The following EFR3A variants were observed in gnomAD, a reference collection of about 807,000 sequenced individuals.
EFR3A encodes the protein protein EFR3 homolog A.
In EFR3A, 76 loss-of-function variants were observed where a neutral mutation model predicts 104.4. The ratio of observed to expected loss-of-function variants is 0.73; its 90% CI spans 0.60 to 0.88. The LOEUF (loss-of-function observed/expected upper bound fraction) is 0.88. Among genes scored for constraint, EFR3A ranks in the 40% least tolerant of loss-of-function variants. EFR3A has a pLI of 0.00. For synonymous variants in EFR3A, 330 were observed against 330.0 expected, an observed-to-expected ratio of 1.00 and a Z score of 0.00; for missense variants, 985 against 1,012.5, an observed-to-expected ratio of 0.97 and a Z score of 0.37.
chr8:131,968,515 C>G lies in EFR3A; in HGVS notation c.991+85C>G, dbSNP rs1461969247. On this transcript the variant is annotated intron_variant, in intron 9 of 22. Transcript: ENST00000254624. The stretch of plus-strand genomic sequence containing the variant: ...TATGCATAGCAGTGTATGAAGAACT[C>G]TTTAAGAATATTTCTACACATTTTT... 3.1e-6 allele frequency: 4 copies of G among 1,284,060 alleles called. No individual in the cohort carries two copies. The African/African-American group carries it at 6.1e-5, about 20-fold the overall frequency. The allele number at this position is 1,284,060 out of a possible 1,614,324, so 79.5% of individuals were successfully genotyped here. A position where few individuals can be genotyped will look rare whatever the true frequency, so the allele number is the denominator to read the frequency against.
chr8:131,990,999 C>T (rs1435007858), intron 18 of EFR3A, among the ~76,000 whole-genome samples: 2 of 152,032 alleles, frequency 1.3e-5, no homozygotes, highest in African/African-American at 4.8e-5. Context: ...TGTATTAGTC[C>T]ATTTTCACAC....
At chr8:131,944,956 T>A in intron 3 of EFR3A, 84 bp downstream of exon 3, 1 of 1,446,970 alleles carries the variant, frequency 6.9e-7, no homozygotes, top group Non-Finnish European at 9.4e-7. Context: ...TATTTTGCCA[T>A]TTAGTGAGAC....
intron 1 of EFR3A, among the ~76,000 whole-genome samples, chr8:131,936,529 G>A (rs1476412704): frequency 1.3e-5 from 2 of 151,296 alleles, no homozygotes; most frequent in African/African-American, 4.9e-5. Flanking sequence ...ACACACACAT[G>A]CTCTCTCTGT....
intron 22 of EFR3A, among the ~76,000 whole-genome samples, chr8:132,008,928 G>A (rs936103722): frequency 2.7e-5 from 4 of 145,640 alleles, no homozygotes; most frequent in Admixed American, 7.0e-5. Context: ...TGATTTACAT[G>A]AGTGTATACA....
At chr8:131,963,270 G>A (rs1438096385) in intron 8 of EFR3A, among the ~76,000 whole-genome samples, 6 of 151,950 alleles carry the variant, frequency 3.9e-5, no homozygotes, top group Admixed American at 1.3e-4. Context: ...CAAAAAATCA[G>A]TGAATCCAGG....
In EFR3A at chr8:131,955,918, T is replaced by G; in HGVS notation, c.776+13T>G. 6.2e-7 allele frequency: 1 copy of G among 1,611,606 alleles called. No homozygotes were observed. The highest frequency in any genetic ancestry group is 8.5e-7 in the Non-Finnish European group (1 of 1,178,572). On this transcript the variant is annotated intron_variant, in intron 7 of 22. Coordinates refer to ENST00000254624, the MANE Select transcript of EFR3A (RefSeq NM_015137.6). Reference sequence around the variant, plus strand: ...GACCAGTTTTTGCGTAAGTAGTTGGTGTTTTCCTGGTTATTTGTGATTTTG... The same window carrying G: ...GACCAGTTTTTGCGTAAGTAGTTGGGGTTTTCCTGGTTATTTGTGATTTTG...
chr8:131,950,342 A>C (rs1331254565), intron 5 of EFR3A, among the ~76,000 whole-genome samples: 1 of 152,084 alleles, frequency 6.6e-6, no homozygotes, highest in Non-Finnish European at 1.5e-5. Flanking sequence ...CTGTCCTTCT[A>C]TCATTTCTTC....
chr8:131,997,179 A>G (rs577365556), intron 19 of EFR3A, among the ~76,000 whole-genome samples: 24 of 152,106 alleles, frequency 1.6e-4, no homozygotes, highest in Non-Finnish European at 2.8e-4. Flanking sequence ...GAATTTTTTC[A>G]TAGTCAAGTA....
At chr8:131,971,907 C>G (rs140979693) in intron 10 of EFR3A, among the ~76,000 whole-genome samples, 353 of 152,280 alleles carry the variant, frequency 2.3e-3, no homozygotes, top group African/African-American at 8.0e-3. Context: ...ACTTTCAGAT[C>G]ATGCGGATAT....
intron 7 of EFR3A, among the ~76,000 whole-genome samples, chr8:131,958,662 T>C (rs947174491): frequency 9.9e-5 from 15 of 152,166 alleles, no homozygotes; most frequent in Admixed American, 3.3e-4. Context: ...ATGAAAGTTA[T>C]AAGAAGCAGC....
Position 131,987,644 on chromosome 8 carries a change from A to G in EFR3A, c.2007A>G (p.Leu669=). Reference sequence around the variant, plus strand: ...TGACCAACAAGATTGCAGAGTCGCTAGGTGGAAGTGGATATAGTGTTGAGA... The same window carrying G: ...TGACCAACAAGATTGCAGAGTCGCTGGGTGGAAGTGGATATAGTGTTGAGA... ...YFLTNKIAES[L]GGSGYSVERL... The change falls in exon 18 of 23, where the codon CTA becomes CTG. Residue 669 remains leucine (L), a synonymous_variant. Coordinates refer to ENST00000254624, the MANE Select transcript of EFR3A (RefSeq NM_015137.6). The G allele has an allele frequency of 6.3e-7, 1 of 1,597,678 alleles. No homozygotes were observed. Among genetic ancestry groups the G allele is most frequent in the Non-Finnish European group, 8.5e-7 (1 of 1,171,002 alleles).
chr8:131,929,958 A>G (rs537540995), intron 1 of EFR3A, among the ~76,000 whole-genome samples: 23 of 152,208 alleles, frequency 1.5e-4, no homozygotes, highest in Admixed American at 9.8e-4. Flanking sequence ...AAACTTTCCA[A>G]TGATGTATCT....
intron 3 of EFR3A, among the ~76,000 whole-genome samples, chr8:131,945,406 T>C (rs1254280286): frequency 6.6e-6 from 1 of 152,042 alleles, no homozygotes. Flanking sequence ...TACTGTATTC[T>C]CTGTGCTCAA....
chr8:131,987,665 T>A lies in EFR3A; in HGVS notation c.2028T>A (p.Val676=). ...CGCTAGGTGGAAGTGGATATAGTGTTGAGAGATTGTCAGTTCCGTATGTAC... is the reference window on the plus strand; with the variant it reads ...CGCTAGGTGGAAGTGGATATAGTGTAGAGAGATTGTCAGTTCCGTATGTAC... ...AESLGGSGYS[V]ERLSVPYVPQ... is the part of the protein sequence containing the mutation. Residue 676 remains valine, a synonymous_variant, in exon 18 of 23, where the codon GTT becomes GTA. Transcript: ENST00000254624. 1 of 1,596,796 alleles carries A rather than the reference T, an allele frequency of 6.3e-7. No homozygotes were observed.
chr8:131,912,655 A>G (rs1318233412), intron 1 of EFR3A, among the ~76,000 whole-genome samples: 1 of 152,246 alleles, frequency 6.6e-6, no homozygotes, highest in Non-Finnish European at 1.5e-5. Flanking sequence ...GCATTCTACA[A>G]TCAGAGAAGA....
At chr8:131,938,733 A>G (rs1260389951) in intron 1 of EFR3A, among the ~76,000 whole-genome samples, 1 of 152,126 alleles carries the variant, frequency 6.6e-6, no homozygotes, top group Non-Finnish European at 1.5e-5. Context: ...TTAGTGTGGC[A>G]GTTACTCTTT....
intron 12 of EFR3A, 79 bp from the exon 13 acceptor site, chr8:131,978,768 G>T: frequency 1.8e-6 from 2 of 1,111,396 alleles, no homozygotes; most frequent in Non-Finnish European, 2.4e-6. Flanking sequence ...TAAGTTTATG[G>T]TTCTTATAAA....
chr8:131,998,407 C>T (rs1048156758), intron 19 of EFR3A, among the ~76,000 whole-genome samples: 2 of 151,788 alleles, frequency 1.3e-5, no homozygotes, highest in Non-Finnish European at 2.9e-5. Flanking sequence ...GATGTATTTG[C>T]TTTTGCTTTT....
At chr8:131,966,669 A>G (rs1024813471) in intron 8 of EFR3A, among the ~76,000 whole-genome samples, 2 of 152,148 alleles carry the variant, frequency 1.3e-5, no homozygotes, top group African/African-American at 4.8e-5. Context: ...TCTGAGAGCT[A>G]TTTAGCTATT....
Sources: allele counts gnomAD v4.1 joint callset (sites outside exome capture counted in the v4.1 genomes callset), GRCh38; gene constraint gnomAD v4.1.1; transcripts MANE v1.5; gene names NCBI Gene and HGNC (gene_info 2026-07-23, HGNC 2026-07-21).